Variants in ABCA13 observed in about 807,000 individuals in gnomAD.
The protein encoded by ABCA13 is ATP binding cassette subfamily A member 13.
Under a neutral mutation model 478.7 loss-of-function variants are expected in ABCA13, and 476 were observed. The observed-to-expected ratio is 0.99, with a 90% CI of 0.92 to 1.07. The LOEUF (loss-of-function observed/expected upper bound fraction) is 1.07, where lower values mean the gene tolerates loss of function less well. ABCA13 is among the 50% of genes least tolerant of loss of function. ABCA13 has a pLI of 0.00. For synonymous variants in ABCA13, 2,252 were observed against 2,158.9 expected, an observed-to-expected ratio of 1.04 and a Z score of -1.20; for missense variants, 6,060 against 5,910.6, an observed-to-expected ratio of 1.03 and a Z score of -0.83.
At chr7:48,304,314 T>C (rs1800580583) in intron 23 of ABCA13, among the ~76,000 whole-genome samples, 1 of 152,144 alleles carries the variant, frequency 6.6e-6, no homozygotes. Context: ...GTGGAGAAGG[T>C]GGCCAGACAG....
At chr7:48,198,701 A>G (rs781781588) in intron 3 of ABCA13, among the ~76,000 whole-genome samples, 10 of 152,204 alleles carry the variant, frequency 6.6e-5, no homozygotes, top group Non-Finnish European at 1.3e-4. Flanking sequence ...TGCCCCCAGA[A>G]CAATTATTTT....
chr7:48,210,278 T>A (rs1440793031), intron 3 of ABCA13, among the ~76,000 whole-genome samples: 1 of 152,024 alleles, frequency 6.6e-6, no homozygotes, highest in Non-Finnish European at 1.5e-5. Context: ...GAGAACTCAC[T>A]CACTATCATG....
chr7:48,558,662 T>G (rs978626802), intron 55 of ABCA13, among the ~76,000 whole-genome samples: 22 of 152,126 alleles, frequency 1.4e-4, no homozygotes, highest in African/African-American at 4.6e-4. Context: ...ATCTCTTTAT[T>G]AAATTTATCT....
intron 53 of ABCA13, 108 bp downstream of exon 53, chr7:48,520,402 T>G: frequency 7.8e-7 from 1 of 1,285,908 alleles, no homozygotes. Flanking sequence ...CTGATCAGCA[T>G]TATACATAGT....
intron 19 of ABCA13, among the ~76,000 whole-genome samples, chr7:48,283,968 A>T (rs1023064059): frequency 3.0e-4 from 46 of 152,184 alleles, no homozygotes; most frequent in African/African-American, 1.1e-3. Context: ...ATGTGAGAGG[A>T]TTAAATAAAA....
At position 48,279,721 on chromosome 7, in the gene ABCA13, A is replaced by T; in HGVS notation, c.8527A>T (p.Thr2843Ser). 6.2e-7 allele frequency: 1 copy of T among 1,613,600 alleles called. No individual in the cohort carries two copies. Among genetic ancestry groups the T allele is most frequent in the South Asian group, 1.1e-5 (1 of 90,972 alleles). ...NNSEWITSTRTLFQPLFEIFI... is the reference protein window; with the variant it reads ...NNSEWITSTRSLFQPLFEIFI... Reference sequence around the variant, plus strand: ...CTCTGAATGGATAACTTCCACAAGAACTTTGTTTCAGCCACTTTTTGAGAT... The same window carrying T: ...CTCTGAATGGATAACTTCCACAAGATCTTTGTTTCAGCCACTTTTTGAGAT... The change falls in exon 18 of 62, where the codon ACT becomes TCT. Residue 2843 changes from threonine (T) to serine (S), a missense_variant. By Grantham distance (58) the Thr-to-Ser change is moderately conservative (BLOSUM62 1). This residue lies in a region of ABCA13 where 4,423 missense variants were observed against 4,309.1 expected (regional missense o/e 1.03). Transcript: ENST00000435803.
At chr7:48,375,138 A>T (rs1813257682) in intron 34 of ABCA13, among the ~76,000 whole-genome samples, 1 of 152,214 alleles carries the variant, frequency 6.6e-6, no homozygotes, top group East Asian at 1.9e-4. Context: ...ATTATATATT[A>T]CAATGTAATA....
rs914296030 is a variant in ABCA13, at chr7:48,388,386, G to A, written c.11473+427G>A. ...GTTTATTCAGTGTTCCTGTGTGAGG[G>A]AGAATATCACTGTCCCTTACAAATA... On this transcript the variant is annotated intron_variant, in intron 36 of 61. Transcript: ENST00000435803. 3.3e-5 allele frequency among the ~76,000 whole-genome samples: 5 copies of A among 152,212 alleles called. No homozygotes were observed. The South Asian group carries it at 6.2e-4, about 19-fold the overall frequency.
rs112831511 is a variant in ABCA13, at chr7:48,394,107, C to T, written c.11873+1968C>T. On this transcript the variant is annotated intron_variant, in intron 38 of 61. Coordinates refer to ENST00000435803, the MANE Select transcript of ABCA13 (RefSeq NM_152701.5). ...CTTAGAAATGTACCCAGGTCCTGGC[C>T]CTTCTCTGCCAACTGCCCTTCAAGG... Among the ~76,000 whole-genome samples, 17 of 152,304 alleles carry T rather than the reference C, an allele frequency of 1.1e-4. 2 individuals are homozygous for T. Among genetic ancestry groups the T allele is most frequent in the African/African-American group, 4.1e-4 (17 of 41,560 alleles).
chr7:48,410,634 A>C lies in ABCA13; in HGVS notation c.12185A>C (p.Lys4062Thr). The C allele has an allele frequency of 6.2e-7, 1 of 1,614,052 alleles. No homozygotes were observed. The highest frequency in any genetic ancestry group is 8.5e-7 in the Non-Finnish European group (1 of 1,179,894). Residue 4062 changes from lysine (K) to threonine (T), a missense_variant, in exon 40 of 62, where the codon AAG becomes ACG. Coordinates refer to ENST00000435803, the MANE Select transcript of ABCA13 (RefSeq NM_152701.5). ...TGCTGCGGTCCTCCCTTCTGCCTGAAGGAGGCATATGGCCAGGGGCTCCGC... is the reference window on the plus strand; with the variant it reads ...TGCTGCGGTCCTCCCTTCTGCCTGACGGAGGCATATGGCCAGGGGCTCCGC... Reference protein sequence around the residue: ...LRCCGPPFCLKEAYGQGLRLT... With the variant: ...LRCCGPPFCLTEAYGQGLRLT...
chr7:48,408,788 G>T (rs1297482144), intron 39 of ABCA13, among the ~76,000 whole-genome samples: 1 of 151,954 alleles, frequency 6.6e-6, no homozygotes, highest in Non-Finnish European at 1.5e-5. Context: ...TTATTGCATT[G>T]CTCCGGTATT....
chr7:48,491,057 T>C (rs1242714080), intron 48 of ABCA13, among the ~76,000 whole-genome samples: 1 of 152,148 alleles, frequency 6.6e-6, no homozygotes, highest in Non-Finnish European at 1.5e-5. Context: ...AACTAAAATA[T>C]AAACCTGAGC....
At chr7:48,178,232 T>C (rs1225785858) in intron 1 of ABCA13, among the ~76,000 whole-genome samples, 1 of 152,110 alleles carries the variant, frequency 6.6e-6, no homozygotes, top group Non-Finnish European at 1.5e-5. Flanking sequence ...CAAATATATA[T>C]TAAAAAAACA....
rs568962439 is a variant in ABCA13, at chr7:48,614,565, G to A, written c.14745-720G>A. ...TACCCAAAGGACTATAAATCATGCTGCTATAAAGACACATGCACACGTATG... is the reference window on the plus strand; with the variant it reads ...TACCCAAAGGACTATAAATCATGCTACTATAAAGACACATGCACACGTATG... On this transcript the variant is annotated intron_variant, in intron 58 of 61. Transcript: ENST00000435803. Among the ~76,000 whole-genome samples the A allele has an allele frequency of 1.8e-3, 279 of 151,018 alleles. 1 individual carries two copies. Among genetic ancestry groups the A allele is most frequent in the African/African-American group, 6.4e-3 (263 of 41,406 alleles).
intron 31 of ABCA13, among the ~76,000 whole-genome samples, chr7:48,353,943 A>AT (rs550568526): frequency 3.4e-4 from 51 of 152,028 alleles, no homozygotes; most frequent in African/African-American, 1.2e-3. Flanking sequence ...AAGTGATGAT[A>AT]TTTTTGGCTA....
intron 41 of ABCA13, among the ~76,000 whole-genome samples, chr7:48,414,460 C>T (rs909728451): frequency 6.6e-6 from 1 of 151,424 alleles, no homozygotes; most frequent in Non-Finnish European, 1.5e-5. Context: ...TCTAAGTGAA[C>T]AATGTGCTGA....
chr7:48,216,353 CA>C (rs1259551251), intron 3 of ABCA13, among the ~76,000 whole-genome samples: 1 of 152,108 alleles, frequency 6.6e-6, no homozygotes, highest in Non-Finnish European at 1.5e-5. Flanking sequence ...ATGATGTTGA[CA>C]ATCTTTTTAT....
chr7:48,583,045 A>G (rs1788852740), intron 56 of ABCA13, among the ~76,000 whole-genome samples: 1 of 152,176 alleles, frequency 6.6e-6, no homozygotes, highest in African/African-American at 2.4e-5. Context: ...ATACCATAAC[A>G]AACAACCAGT....
At chr7:48,499,506 C>G (rs1409349613) in intron 48 of ABCA13, among the ~76,000 whole-genome samples, 3 of 152,126 alleles carry the variant, frequency 2.0e-5, no homozygotes, top group Non-Finnish European at 4.4e-5. Context: ...GACAAAAGCA[C>G]AGATGTGCAT....
Sources: gnomAD v4.1 joint callset for allele counts (sites outside exome capture counted in the v4.1 genomes callset) on GRCh38, gnomAD v4.1.1 for gene constraint, gnomAD v4.1.1 regional missense constraint, MANE v1.5 for transcripts, NCBI Gene and HGNC (gene_info 2026-07-23, HGNC 2026-07-21) for gene names.